Variants in CCNJL observed in about 807,000 individuals in gnomAD.
CCNJL encodes the protein cyclin-J-like protein.
In CCNJL, 33 loss-of-function variants were observed where a neutral mutation model predicts 33.4. That is an observed-to-expected ratio of 0.99 (90% CI 0.75 to 1.32). The LOEUF (loss-of-function observed/expected upper bound fraction) is 1.32. CCNJL is among the 40% of genes most tolerant of loss of function. CCNJL has a pLI of 0.00. For synonymous variants in CCNJL, 227 were observed against 220.9 expected, an observed-to-expected ratio of 1.03 and a Z score of -0.24; for missense variants, 512 against 499.7, an observed-to-expected ratio of 1.02 and a Z score of -0.23.
chr5:160,324,397 AC>A (rs1763510044), intron 1 of CCNJL, among the ~76,000 whole-genome samples: 1 of 151,938 alleles, frequency 6.6e-6, no homozygotes, highest in African/African-American at 2.4e-5. Context: ...ACACAGTGAA[AC>A]CCTGTCTCTA....
chr5:160,330,477 G>T (rs1763591454), intron 1 of CCNJL, among the ~76,000 whole-genome samples: 1 of 151,984 alleles, frequency 6.6e-6, no homozygotes, highest in Non-Finnish European at 1.5e-5. Context: ...GGTGTCGTGG[G>T]CTCCTCTCTC....
intron 1 of CCNJL, among the ~76,000 whole-genome samples, chr5:160,322,122 G>C (rs1301095417): frequency 3.9e-5 from 6 of 152,306 alleles, no homozygotes; most frequent in Non-Finnish European, 8.8e-5. Context: ...AGGATCTGCT[G>C]ATGGACTAGA....
At chr5:160,275,947 G>T (rs1761993605) in intron 3 of CCNJL, among the ~76,000 whole-genome samples, 4 of 152,146 alleles carry the variant, frequency 2.6e-5, no homozygotes, top group Admixed American at 2.6e-4. Context: ...ATACCCAAAA[G>T]AATTAGAAAC....
At chr5:160,330,554 TA>T (rs1763593468) in intron 1 of CCNJL, among the ~76,000 whole-genome samples, 1 of 152,212 alleles carries the variant, frequency 6.6e-6, no homozygotes, top group South Asian at 2.1e-4. Context: ...CTTCAGGCTT[TA>T]AACCTCATGT....
chr5:160,337,780 A>T lies in CCNJL; in HGVS notation n.206+1665T>A, dbSNP rs188152452. Among the ~76,000 whole-genome samples the T allele has an allele frequency of 3.5e-3, 528 of 152,308 alleles. 7 individuals carry two copies. The highest frequency in any genetic ancestry group is 0.012 in the African/African-American group (495 of 41,566). On this transcript the variant is annotated intron_variant and non_coding_transcript_variant, in intron 1 of 7. Coordinates refer to the CCNJL transcript ENST00000377503. Reference sequence around the variant, plus strand: ...TTAATATTTAGTTGGAAATGAGTGAATTGTGAACAAATGTGAACCTGAAAG... The same window carrying T: ...TTAATATTTAGTTGGAAATGAGTGATTTGTGAACAAATGTGAACCTGAAAG...
upstream of CCNJL, among the ~76,000 whole-genome samples, chr5:160,313,083 A>C (rs957289848): frequency 6.6e-6 from 1 of 152,180 alleles, no homozygotes; most frequent in African/African-American, 2.4e-5. Context: ...CTAATTCTAA[A>C]GGAGCCTAAG....
chr5:160,282,453 A>T (rs539592627), intron 2 of CCNJL, among the ~76,000 whole-genome samples: 7 of 152,274 alleles, frequency 4.6e-5, no homozygotes, highest in Non-Finnish European at 7.3e-5. Flanking sequence ...GGAAAAATAC[A>T]TAAGTTGAAT....
At chr5:160,317,308 C>T (rs1383893230), upstream of CCNJL, among the ~76,000 whole-genome samples, 1 of 152,200 alleles carries the variant, frequency 6.6e-6, no homozygotes, top group Non-Finnish European at 1.5e-5. Context: ...CTAGGACATT[C>T]ATAAAGCTGG....
At position 160,253,120 on chromosome 5, in the gene CCNJL, T is replaced by C; in HGVS notation, c.*258A>G. The C allele has an allele frequency of 2.6e-6, 1 of 386,694 alleles. No homozygotes were observed. Among genetic ancestry groups the C allele is most frequent in the South Asian group, 7.7e-5 (1 of 12,912 alleles). The allele number at this position is 386,694 out of a possible 1,614,324, so 24.0% of individuals were successfully genotyped here. A position where few individuals can be genotyped will look rare whatever the true frequency, so the allele number is the denominator to read the frequency against. On this transcript the variant is annotated 3_prime_UTR_variant, in exon 6 of 6. Transcript: ENST00000257536. ...TTTCTCGATTCACTGGGCCCCTGTG[T>C]GGGGGGACGGCCACCAAGCCATCCT...
At position 160,249,522 on chromosome 5, in the gene CCNJL, G is replaced by T. The variant is rs1561763032; in HGVS notation, c.*3856C>A. 6.6e-6 allele frequency: 1 copy of T among 152,100 alleles called. No homozygotes were observed. The highest frequency in any genetic ancestry group is 1.5e-5 in the Non-Finnish European group (1 of 68,016). The allele number at this position is 152,100 out of a possible 1,614,324, so 9.4% of individuals were successfully genotyped here. Reference sequence around the variant, plus strand: ...TTATACCTGTAATCTCAGCACTTTGGGAGGCCGAGGCAGTCAGATTGCTTG... The same window carrying T: ...TTATACCTGTAATCTCAGCACTTTGTGAGGCCGAGGCAGTCAGATTGCTTG... On this transcript the variant is annotated 3_prime_UTR_variant, in exon 6 of 6. Coordinates refer to ENST00000257536, the MANE Select transcript of CCNJL (RefSeq NM_001308173.3).
At chr5:160,267,841 C>T (rs139080099) in intron 3 of CCNJL, among the ~76,000 whole-genome samples, 2,296 of 152,324 alleles carry the variant, frequency 0.015, 56 homozygotes, top group African/African-American at 0.052. Flanking sequence ...GGATTACAGG[C>T]ATGCACCACC....
intron 2 of CCNJL, among the ~76,000 whole-genome samples, chr5:160,303,083 C>T (rs1213704028): frequency 1.3e-5 from 2 of 152,168 alleles, no homozygotes; most frequent in South Asian, 2.1e-4. Context: ...TCTAAACAAA[C>T]AATTGATTGT....
chr5:160,323,495 T>C (rs1269128282), intron 1 of CCNJL, among the ~76,000 whole-genome samples: 1 of 152,246 alleles, frequency 6.6e-6, no homozygotes, highest in Non-Finnish European at 1.5e-5. Context: ...CTAAGAGCTA[T>C]TGGCAACTCA....
intron 2 of CCNJL, among the ~76,000 whole-genome samples, chr5:160,301,180 A>G (rs1762908003): frequency 6.6e-6 from 1 of 152,208 alleles, no homozygotes; most frequent in African/African-American, 2.4e-5. Flanking sequence ...TTTTATAGAC[A>G]TAAAACGGAA....
At chr5:160,257,520 G>A (rs1761122340) in intron 4 of CCNJL, among the ~76,000 whole-genome samples, 1 of 151,248 alleles carries the variant, frequency 6.6e-6, no homozygotes, top group African/African-American at 2.4e-5. Context: ...CAATAACCTT[G>A]GGTAAGTTAC....
intron 3 of CCNJL, among the ~76,000 whole-genome samples, chr5:160,261,502 C>T (rs558255022): frequency 1.8e-4 from 27 of 152,314 alleles, no homozygotes; most frequent in Admixed American, 1.2e-3. Flanking sequence ...CACACAAGAA[C>T]AACTCAGGCA....
At chr5:160,310,336 GGAA>G (rs1427947303) in intron 2 of CCNJL, among the ~76,000 whole-genome samples, 1 of 152,160 alleles carries the variant, frequency 6.6e-6, no homozygotes, top group Non-Finnish European at 1.5e-5. Flanking sequence ...CTCTGTTCTG[GGAA>G]GAAGACCAAG....
chr5:160,253,327 C>A lies in CCNJL; in HGVS notation c.*51G>T, dbSNP rs762245035. 1 of 1,517,990 alleles carries A rather than the reference C, an allele frequency of 6.6e-7. No homozygotes were observed. The highest frequency in any genetic ancestry group is 2.3e-5 in the East Asian group (1 of 43,996). 94.0% of individuals were successfully genotyped at this position (1,517,990 alleles called of 1,614,324 possible). A position where few individuals can be genotyped will look rare whatever the true frequency, so the allele number is the denominator to read the frequency against. On this transcript the variant is annotated 3_prime_UTR_variant, in exon 6 of 6. Coordinates refer to ENST00000257536, the MANE Select transcript of CCNJL (RefSeq NM_001308173.3). ...TGGCTGAGCTCTCCTCTTCAGTGTCCTCTTCCTCTGCCCACATCTCCAAGG... is the reference window on the plus strand; with the variant it reads ...TGGCTGAGCTCTCCTCTTCAGTGTCATCTTCCTCTGCCCACATCTCCAAGG...
rs944012205 is a variant in CCNJL at position 160,253,271 on chromosome 5, C to G, written c.*107G>C. ...AGCACAGACCCTCCACGTTCCAAGG[C>G]TCTTCAGGGATGGCCTCCTGCTGCC... is the stretch of plus-strand genomic sequence containing the variant. On this transcript the variant is annotated 3_prime_UTR_variant, in exon 6 of 6. Transcript: ENST00000257536. 9.1e-7 allele frequency: 1 copy of G among 1,102,630 alleles called. No homozygotes were observed. 68.3% of individuals were successfully genotyped at this position (1,102,630 alleles called of 1,614,324 possible).
Sources: allele counts gnomAD v4.1 joint callset (sites outside exome capture counted in the v4.1 genomes callset), GRCh38; gene constraint gnomAD v4.1.1; transcripts MANE v1.5; gene names NCBI Gene and HGNC (gene_info 2026-07-23, HGNC 2026-07-21).